Variants in FAM47E observed in about 807,000 individuals in gnomAD.
FAM47E encodes protein FAM47E.
A neutral mutation model predicts 41.6 loss-of-function variants in FAM47E; 32 were observed. That is an observed-to-expected ratio of 0.77 (90% confidence interval 0.58 to 1.03). The LOEUF is 1.03. FAM47E is among the 50% of genes least tolerant of loss of function. The pLI is 0.00. For missense variants in FAM47E, 424 were observed against 485.4 expected, an observed-to-expected ratio of 0.87 and a Z score of 1.19; for synonymous variants, 184 against 188.7, an observed-to-expected ratio of 0.98 and a Z score of 0.20.
At chr4:76,258,024 CT>C (rs1380672813) in intron 2 of FAM47E, among the ~76,000 whole-genome samples, 2 of 152,228 alleles carry the variant, frequency 1.3e-5, no homozygotes, top group African/African-American at 4.8e-5. Flanking sequence ...CTTTCCCTCA[CT>C]GCCTCCTGCA....
chr4:76,224,914 C>G (rs1733368816), intron 2 of FAM47E, among the ~76,000 whole-genome samples: 1 of 151,990 alleles, frequency 6.6e-6, no homozygotes, highest in Admixed American at 6.6e-5. Context: ...CCTACCCTTC[C>G]CCCCAAGTCC....
At chr4:76,251,672 T>C (rs1039378044), upstream of FAM47E, 11 of 1,375,792 alleles carry the variant, frequency 8.0e-6, no homozygotes, top group Non-Finnish European at 1.0e-5. Context: ...GGTTGTGCGG[T>C]GTCCTAGCAA....
rs1481555234 is a variant in FAM47E at position 76,261,118 on chromosome 4, T to TATGAGATAGATTAAA, written c.421-2585_421-2584insTGAGATAGATTAAAA. Among the ~76,000 whole-genome samples the TATGAGATAGATTAAA allele has an allele frequency of 4.6e-5, 7 of 151,914 alleles. No individual in the cohort carries two copies. In the East Asian group the frequency reaches 1.2e-3, roughly 25 times the overall value. On this transcript the variant is annotated intron_variant, in intron 2 of 7. Transcript: ENST00000424749. Reference sequence around the variant, plus strand: ...AAAGCCGATTAAAACCACAATGAGATACGAGATACCATCTCATATCAGTCA... The same window carrying TATGAGATAGATTAAA: ...AAAGCCGATTAAAACCACAATGAGATATGAGATAGATTAAAACGAGATACCATCTCATATCAGTCA...
Position 76,256,275 on chromosome 4 carries a change from G to A in FAM47E, c.172G>A (p.Gly58Ser), listed in dbSNP as rs1180818578. The change falls in exon 2 of 8, where the codon GGC (glycine) becomes AGC (serine). Residue 58 changes from glycine to serine, a missense_variant. Physicochemically the swap from Gly to Ser is moderately conservative, Grantham distance 56 (BLOSUM62 0). Coordinates refer to ENST00000424749, the MANE Select transcript of FAM47E (RefSeq NM_001136570.3). ...AAAGGGGCTGGACGACTTCAGGAAGGGCTGCCCGCCTTGCACTGGTCTGGT... is the reference window on the plus strand; with the variant it reads ...AAAGGGGCTGGACGACTTCAGGAAGAGCTGCCCGCCTTGCACTGGTCTGGT... ...PRKGLDDFRK[G>S]CPPCTGLVTQ... 1.9e-6 allele frequency: 3 copies of A among 1,551,686 alleles called. 1 individual carries two copies. Among genetic ancestry groups the A allele is most frequent in the African/African-American group, 2.7e-5 (2 of 73,124 alleles).
At chr4:76,225,713 A>C (rs1381833797) in intron 2 of FAM47E, among the ~76,000 whole-genome samples, 3 of 152,106 alleles carry the variant, frequency 2.0e-5, no homozygotes, top group Non-Finnish European at 4.4e-5. Context: ...AAGTTAAACC[A>C]CCCCTGTATC....
chr4:76,240,199 T>G (rs1463941367), intron 2 of FAM47E, among the ~76,000 whole-genome samples: 2 of 152,240 alleles, frequency 1.3e-5, no homozygotes, highest in Non-Finnish European at 2.9e-5. Context: ...GATAGTTTCT[T>G]TCTTTTAGCA....
upstream of FAM47E, among the ~76,000 whole-genome samples, chr4:76,248,731 A>G (rs115073283): frequency 3.2e-3 from 490 of 152,216 alleles, 4 homozygotes; most frequent in African/African-American, 0.011. Context: ...TAATTGCTCT[A>G]TATGGTAATT....
At chr4:76,243,986 T>C (rs1180359638) in intron 2 of FAM47E, among the ~76,000 whole-genome samples, 2 of 152,212 alleles carry the variant, frequency 1.3e-5, no homozygotes, top group Non-Finnish European at 2.9e-5. Context: ...AGTGAGAATA[T>C]GTGGTGTTTG....
At chr4:76,273,003 A>G (rs1477160425) in intron 5 of FAM47E, among the ~76,000 whole-genome samples, 1 of 152,186 alleles carries the variant, frequency 6.6e-6, no homozygotes, top group African/African-American at 2.4e-5. Context: ...GTTCTGCCTC[A>G]TTTAAAAAGA....
chr4:76,283,399 A>G lies in FAM47E; in HGVS notation c.1123A>G (p.Ile375Val). 6.5e-7 allele frequency: 1 copy of G among 1,546,938 alleles called. No individual in the cohort carries two copies. Among genetic ancestry groups the G allele is most frequent in the African/African-American group, 1.4e-5 (1 of 73,046 alleles). ...TTTTTAGTTCCTTGAGAATATGTAT[A>G]TCGGGAAGGAATGTAAACGTGCATG... is the stretch of plus-strand genomic sequence containing the variant. ...RTPRFLENMY[I>V]GKECKRACNK... The change falls in exon 8 of 8, where the codon ATC (isoleucine) becomes GTC (valine). Residue 375 changes from isoleucine (I) to valine (V), a missense_variant. By Grantham distance (29) the Ile-to-Val change is conservative. Coordinates refer to ENST00000424749, the MANE Select transcript of FAM47E (RefSeq NM_001136570.3).
At chr4:76,242,573 C>T (rs1381221740) in intron 2 of FAM47E, among the ~76,000 whole-genome samples, 1 of 152,166 alleles carries the variant, frequency 6.6e-6, no homozygotes, top group East Asian at 1.9e-4. Context: ...CCTTGAGTGC[C>T]TCTTTGTGCT....
chr4:76,256,531 G>C lies in FAM47E; in HGVS notation c.420+8G>C. On this transcript the variant is annotated splice_region_variant and intron_variant, in intron 2 of 7. Coordinates refer to ENST00000424749, the MANE Select transcript of FAM47E (RefSeq NM_001136570.3). ...GAAGCTATGCCCATAGAGGTGATGTGTCCTAGGGTTTGTGGGAGGGGCTTC... is the reference window on the plus strand; with the variant it reads ...GAAGCTATGCCCATAGAGGTGATGTCTCCTAGGGTTTGTGGGAGGGGCTTC... The C allele has an allele frequency of 6.6e-7, 1 of 1,525,524 alleles. No individual in the cohort carries two copies. Among genetic ancestry groups the C allele is most frequent in the Non-Finnish European group, 8.9e-7 (1 of 1,129,564 alleles). 94.5% of individuals were successfully genotyped at this position (1,525,524 alleles called of 1,614,324 possible).
At position 76,280,334 on chromosome 4, in the gene FAM47E, C is replaced by T. The variant is rs1036788; in HGVS notation, c.1097C>T (p.Thr366Met). 1,175,607 of 1,537,138 alleles carry T rather than the reference C, an allele frequency of 0.76. 452,873 individuals are homozygous for T. Among genetic ancestry groups the T allele is most frequent in the Middle Eastern group, 0.83 (4,910 of 5,942 alleles). Reference protein sequence around the residue: ...KDFILSRGYRTPRFLENMYIG... With the variant: ...KDFILSRGYRMPRFLENMYIG... ...TTCATTCTAAGCAGGGGCTACAGGA[C>T]GCCACGTGTGAGTAAAGGGTCCTTT... is the stretch of plus-strand genomic sequence containing the variant. Residue 366 changes from threonine to methionine, a missense_variant, in exon 7 of 8, where the codon ACG becomes ATG. Physicochemically the swap from Thr to Met is moderately conservative, Grantham distance 81. Transcript: ENST00000424749.
chr4:76,221,721 C>A (rs1443246749), intron 2 of FAM47E, among the ~76,000 whole-genome samples: 1 of 152,132 alleles, frequency 6.6e-6, no homozygotes, highest in Non-Finnish European at 1.5e-5. Context: ...CACACGGACA[C>A]AAAGATGGGA....
chr4:76,214,067 C>T (rs542421309), exon 1 of FAM47E: 20 of 348,066 alleles, frequency 5.7e-5, no homozygotes, highest in South Asian at 3.6e-4. Flanking sequence ...GCCCAGCGCT[C>T]GCCCCACCGA....
chr4:76,218,314 G>A (rs1733249604), intron 2 of FAM47E, among the ~76,000 whole-genome samples: 1 of 152,176 alleles, frequency 6.6e-6, no homozygotes, highest in Non-Finnish European at 1.5e-5. Flanking sequence ...GCCTCCATAA[G>A]AAAAAATTAC....
At chr4:76,259,444 T>C (rs1451753768) in intron 2 of FAM47E, among the ~76,000 whole-genome samples, 1 of 152,256 alleles carries the variant, frequency 6.6e-6, no homozygotes, top group Non-Finnish European at 1.5e-5. Flanking sequence ...AGACTGTCCC[T>C]ACTTTTTAAA....
In FAM47E at chr4:76,261,120, C is replaced by CCACAATGAGATAT. The variant is rs1560745136; in HGVS notation, c.421-2584_421-2583insCACAATGAGATAT. Among the ~76,000 whole-genome samples the CCACAATGAGATAT allele has an allele frequency of 4.6e-5, 7 of 151,694 alleles. No homozygotes were observed. The East Asian group carries it at 1.2e-3, about 25-fold the overall frequency. The stretch of plus-strand genomic sequence containing the variant: ...AGCCGATTAAAACCACAATGAGATA[C>CCACAATGAGATAT]GAGATACCATCTCATATCAGTCAGA... On this transcript the variant is annotated intron_variant, in intron 2 of 7. Coordinates refer to ENST00000424749, the MANE Select transcript of FAM47E (RefSeq NM_001136570.3).
intron 2 of FAM47E, among the ~76,000 whole-genome samples, chr4:76,233,092 C>A (rs1464770135): frequency 7.3e-6 from 1 of 136,562 alleles, no homozygotes; most frequent in Non-Finnish European, 1.7e-5. Context: ...TACTAAAAAA[C>A]CACATTTTAC....
Sources: allele counts gnomAD v4.1 joint callset (sites outside exome capture counted in the v4.1 genomes callset), GRCh38; gene constraint gnomAD v4.1.1; transcripts MANE v1.5; gene names NCBI Gene and HGNC (gene_info 2026-07-23, HGNC 2026-07-21).